Variants in B3GAT1 observed in about 807,000 individuals in gnomAD.
The protein encoded by B3GAT1 is galactosylgalactosylxylosylprotein 3-beta-glucuronosyltransferase 1.
Under a neutral mutation model 28.4 loss-of-function variants are expected in B3GAT1, and 11 were observed. The ratio of observed to expected loss-of-function variants is 0.39; its 90% CI spans 0.24 to 0.64. B3GAT1 has a LOEUF of 0.64. B3GAT1 is among the 30% of genes least tolerant of loss of function. B3GAT1 has a pLI of 0.50. For synonymous variants in B3GAT1, 255 were observed against 223.1 expected (o/e 1.14, Z -1.27); for missense variants, 375 against 491.0 (o/e 0.76, Z 2.23).
intron 2 of B3GAT1, chr11:134,386,911 C>T (rs10894808): frequency 0.09 from 13,750 of 152,650 alleles, 728 homozygotes; most frequent in Non-Finnish European, 0.12. Context: ...TTCCTAGTGA[C>T]AGTACACACC....
In B3GAT1 at chr11:134,405,322, T is replaced by C. The variant is rs995457889; in HGVS notation, c.-282+6485A>G. On this transcript the variant is annotated intron_variant, in intron 1 of 5. Transcript: ENST00000312527. ...GACCCAGAGGGCTTCAGGTCCGGGCTAGGTAGGCACCGGGCAGCCCCAAAC... is the reference window on the plus strand; with the variant it reads ...GACCCAGAGGGCTTCAGGTCCGGGCCAGGTAGGCACCGGGCAGCCCCAAAC... Among the ~76,000 whole-genome samples, 6 of 152,116 alleles carry C rather than the reference T, an allele frequency of 3.9e-5. No individual in the cohort carries two copies. In the South Asian group the frequency reaches 8.3e-4, roughly 21 times the overall value.
intron 1 of B3GAT1, among the ~76,000 whole-genome samples, chr11:134,395,538 C>A (rs1565455714): frequency 6.6e-6 from 1 of 152,116 alleles, no homozygotes. Context: ...ATAGGGATTA[C>A]TGAGGGTCAT....
rs575703343 is a variant in B3GAT1, at chr11:134,384,310, G to T, written c.113-122C>A. On this transcript the variant is annotated intron_variant, in intron 2 of 5. Transcript: ENST00000312527. ...CCTCCCCCGCTGCAGGGGCTGCTCA[G>T]ACCCCCGCCTTGCCTGACCTGTTAG... 5.2e-4 allele frequency: 682 copies of T among 1,301,476 alleles called. 2 individuals carry two copies. Among genetic ancestry groups the T allele is most frequent in the Middle Eastern group, 2.2e-3 (8 of 3,664 alleles). 80.6% of individuals were successfully genotyped at this position (1,301,476 alleles called of 1,614,324 possible).
rs531047029 is a variant in B3GAT1 at position 134,393,935 on chromosome 11, C to T, written c.-281-5995G>A. On this transcript the variant is annotated intron_variant, in intron 1 of 5. Coordinates refer to ENST00000312527, the MANE Select transcript of B3GAT1 (RefSeq NM_054025.3). The surrounding 1 kb of genome is among the most constrained non-coding windows in gnomAD (Gnocchi z 4.0). ...CTCCAGGTGCCCCTAATGGGATCAGCGGATTAGTATTGATTCTGCAGGCGC... is the reference window on the plus strand; with the variant it reads ...CTCCAGGTGCCCCTAATGGGATCAGTGGATTAGTATTGATTCTGCAGGCGC... Among the ~76,000 whole-genome samples, 11 of 152,290 alleles carry T rather than the reference C, an allele frequency of 7.2e-5. No homozygotes were observed. The highest frequency in any genetic ancestry group is 2.4e-4 in the African/African-American group (10 of 41,552).
intron 2 of B3GAT1, chr11:134,387,128 C>CGAGCTAACT: frequency 5.1e-6 from 1 of 194,426 alleles, no homozygotes; most frequent in Non-Finnish European, 1.1e-5. Context: ...CAGCTGCCGA[C>CGAGCTAACT]AGTGCTTCGC....
chr11:134,384,641 C>T (rs542449917), intron 2 of B3GAT1: 19 of 159,680 alleles, frequency 1.2e-4, no homozygotes, highest in East Asian at 1.1e-3. Context: ...GCCCCAGGGC[C>T]GCAGCACTGC....
chr11:134,410,047 T>C (rs1944822144), intron 1 of B3GAT1, among the ~76,000 whole-genome samples: 1 of 152,136 alleles, frequency 6.6e-6, no homozygotes, highest in African/African-American at 2.4e-5. Flanking sequence ...CTTGGTCCCC[T>C]TATCCCCGAG....
In B3GAT1 at chr11:134,404,031, T is replaced by TATATA. The variant is rs1565459472; in HGVS notation, c.-282+7775_-282+7776insTATAT. 6.3e-4 allele frequency among the ~76,000 whole-genome samples: 57 copies of TATATA among 90,388 alleles called. 2 individuals carry two copies. The highest frequency in any genetic ancestry group is 2.4e-3 in the Admixed American group (19 of 7,968). The allele number at this position is 90,388 out of a possible 152,430, so 59.3% of individuals were successfully genotyped here. A position where few individuals can be genotyped will look rare whatever the true frequency, so the allele number is the denominator to read the frequency against. ...TATATATATATATATATATATATAT[T>TATATA]TATTATACGTTAAGTTCTAGGGTAC... On this transcript the variant is annotated intron_variant, in intron 1 of 5. Transcript: ENST00000312527.
intron 4 of B3GAT1, 124 bp downstream of exon 4, chr11:134,382,586 G>C: frequency 8.3e-7 from 1 of 1,203,876 alleles, no homozygotes; most frequent in Non-Finnish European, 1.1e-6. Flanking sequence ...CTGCCTTCCT[G>C]GGAGGGGGTT....
At chr11:134,388,420 CTCTTT>C (rs1944343095) in intron 1 of B3GAT1, 1 of 157,950 alleles carries the variant, frequency 6.3e-6, no homozygotes, top group South Asian at 1.8e-4. Context: ...TTTTCTCTCT[CTCTTT>C]TTTCTTTTTT....
At chr11:134,407,215 G>T (rs985894199) in intron 1 of B3GAT1, among the ~76,000 whole-genome samples, 1 of 152,230 alleles carries the variant, frequency 6.6e-6, no homozygotes. Flanking sequence ...AGTAGCCCAG[G>T]GTTCAAAGAG....
chr11:134,397,906 C>G (rs1944535108), intron 1 of B3GAT1, among the ~76,000 whole-genome samples: 2 of 152,136 alleles, frequency 1.3e-5, no homozygotes, highest in African/African-American at 2.4e-5. Flanking sequence ...TGGGTTTGGT[C>G]CCGGTGTCCC....
chr11:134,381,950 C>T lies in B3GAT1; in HGVS notation c.993G>A (p.Ser331=), dbSNP rs1489961571. Residue 331 remains serine, a synonymous_variant, in exon 5 of 6, where the codon TCG becomes TCA. Transcript: ENST00000312527. ...TGCATCCTGAGGCTCAGATCTCCAC[C>T]GAGGGGTCAGTGAAGCCCTTCTTGC... ...NEGKKGFTDP[S]VEI 8 of 1,614,082 alleles carry T rather than the reference C, an allele frequency of 5.0e-6. No homozygotes were observed. The highest frequency in any genetic ancestry group is 2.7e-5 in the African/African-American group (2 of 75,058).
intron 1 of B3GAT1, among the ~76,000 whole-genome samples, chr11:134,404,017 A>G (rs1461510348): frequency 8.4e-6 from 1 of 118,728 alleles, no homozygotes; most frequent in Non-Finnish European, 1.7e-5. Context: ...ATATATATAT[A>G]TATATATATA....
At chr11:134,395,420 G>A (rs1344884866) in intron 1 of B3GAT1, among the ~76,000 whole-genome samples, 1 of 152,034 alleles carries the variant, frequency 6.6e-6, no homozygotes, top group Non-Finnish European at 1.5e-5. Flanking sequence ...GGGAGTGGGG[G>A]TGCTTCTGCT....
intron 1 of B3GAT1, among the ~76,000 whole-genome samples, chr11:134,403,366 C>T (rs1347859564): frequency 6.6e-6 from 1 of 152,206 alleles, no homozygotes; most frequent in African/African-American, 2.4e-5. Context: ...CCCTCATAGT[C>T]CCTCCACTTG....
At position 134,383,899 on chromosome 11, in the gene B3GAT1, C is replaced by A. The variant is rs747298235; in HGVS notation, c.402G>T (p.Leu134=). 6.3e-7 allele frequency: 1 copy of A among 1,596,004 alleles called. No individual in the cohort carries two copies. Among genetic ancestry groups the A allele is most frequent in the Non-Finnish European group, 8.5e-7 (1 of 1,175,492 alleles). ...PRRTPLTARL[L]RDTGLNYTHL... ...GCGTGTAGTTGAGGCCGGTGTCGCG[C>A]AGCAGGCGCGCGGTCAGCGGCGTCC... Residue 134 remains leucine (L), a synonymous_variant, in exon 3 of 6, where the codon CTG becomes CTT. Transcript: ENST00000312527.
intron 1 of B3GAT1, chr11:134,392,285 C>T: frequency 7.0e-6 from 1 of 143,816 alleles, no homozygotes; most frequent in East Asian, 2.0e-4. Flanking sequence ...GACTTAAGGG[C>T]CCGTGGAACT....
chr11:134,385,350 T>C (rs10791359), intron 2 of B3GAT1: 103,042 of 152,230 alleles, frequency 0.68, 35,946 homozygotes, highest in East Asian at 0.92. Flanking sequence ...GCATGTGGGG[T>C]GTGTGGCACG....
Sources: gnomAD v4.1 joint callset for allele counts (sites outside exome capture counted in the v4.1 genomes callset) on GRCh38, gnomAD v4.1.1 for gene constraint, Gnocchi (gnomAD v3.1) non-coding constraint, MANE v1.5 for transcripts, NCBI Gene and HGNC (gene_info 2026-07-23, HGNC 2026-07-21) for gene names.